YEATS2: variants seen among roughly 807,000 people sequenced by gnomAD.
YEATS2 encodes the protein YEATS domain containing 2.
A neutral mutation model predicts 163.2 loss-of-function variants in YEATS2; 77 were observed. The ratio of observed to expected loss-of-function variants is 0.47; its 90% CI spans 0.39 to 0.57. The LOEUF (loss-of-function observed/expected upper bound fraction) is 0.57. Among genes scored for constraint, YEATS2 ranks in the 20% least tolerant of loss-of-function variants. The pLI, the probability that YEATS2 is intolerant of heterozygous loss-of-function variation, is 0.00. For synonymous variants in YEATS2, 631 were observed against 645.1 expected, an observed-to-expected ratio of 0.98 and a Z score of 0.33; for missense variants, 1,549 against 1,729.8, an observed-to-expected ratio of 0.90 and a Z score of 1.85.
rs1403693019 is a variant in YEATS2 at position 183,801,444 on chromosome 3, ATC to A, written c.3429-4_3429-3del. 9.4e-6 allele frequency: 15 copies of A among 1,590,578 alleles called. No individual in the cohort carries two copies. Among genetic ancestry groups the A allele is most frequent in the African/African-American group, 1.4e-5 (1 of 73,776 alleles). ...TAATTTATTGCCTTAATTTTTTTTT[ATC>A]TCTCTCAGGATAGACCATTTAGAAA... On this transcript the variant is annotated splice_polypyrimidine_tract_variant and intron_variant, in intron 24 of 30. Transcript: ENST00000305135.
At chr3:183,790,757 C>G in intron 20 of YEATS2, 40 bp from the exon 21 acceptor site, 1 of 1,598,044 alleles carries the variant, frequency 6.3e-7, no homozygotes, top group Admixed American at 1.7e-5. Flanking sequence ...ACTCTGCTTT[C>G]TTCCTGAACT....
At chr3:183,760,669 C>T (rs773304076) in intron 13 of YEATS2, among the ~76,000 whole-genome samples, 2 of 151,898 alleles carry the variant, frequency 1.3e-5, no homozygotes, top group African/African-American at 2.4e-5. Context: ...TTTGCCTGTG[C>T]CAAATTATTC....
At chr3:183,771,158 C>G (rs2109417786) in intron 15 of YEATS2, among the ~76,000 whole-genome samples, 1 of 152,328 alleles carries the variant, frequency 6.6e-6, no homozygotes, top group East Asian at 1.9e-4. Flanking sequence ...GCACAAATTC[C>G]TATTTTCCCC....
intron 21 of YEATS2, among the ~76,000 whole-genome samples, chr3:183,791,728 A>G (rs763828693): frequency 7.4e-4 from 113 of 152,210 alleles, no homozygotes; most frequent in Non-Finnish European, 7.2e-4. Context: ...TCCAAGTCAT[A>G]ATTTTTAACA....
chr3:183,730,048 G>GTTTGTTTTT (rs1717571615), intron 7 of YEATS2, among the ~76,000 whole-genome samples: 1 of 20,820 alleles, frequency 4.8e-5, no homozygotes, highest in Non-Finnish European at 1.1e-4. Context: ...GTGGTTTTTT[G>GTTTGTTTTT]TTTGTTTTTT....
intron 11 of YEATS2, among the ~76,000 whole-genome samples, chr3:183,755,547 CAGT>C (rs1720636975): frequency 6.6e-6 from 1 of 152,078 alleles, no homozygotes; most frequent in Non-Finnish European, 1.5e-5. Flanking sequence ...CAATAAAAGA[CAGT>C]AGAGGATGTT....
chr3:183,809,632 G>A (rs371848887), intron 30 of YEATS2: 8 of 153,076 alleles, frequency 5.2e-5, no homozygotes, highest in Non-Finnish European at 7.3e-5. Flanking sequence ...CTGGACTTCC[G>A]ACTCAGGTCT....
intron 11 of YEATS2, 24 bp downstream of exon 11, chr3:183,754,389 T>C (rs1720500590): frequency 3.1e-6 from 5 of 1,594,264 alleles, no homozygotes; most frequent in Admixed American, 1.7e-5. Flanking sequence ...TTGAAGACAG[T>C]GTATGTGGAG....
In YEATS2 at chr3:183,791,058, G is replaced by A. The variant is rs1354105705; in HGVS notation, c.3097+78G>A. On this transcript the variant is annotated intron_variant, in intron 21 of 30. Coordinates refer to ENST00000305135, the MANE Select transcript of YEATS2 (RefSeq NM_018023.5). ...TATTTTTGTTTGTTTGTTTGAGATA[G>A]CGTCTCACTCTGTCGCCCAAGCTAG... is the stretch of plus-strand genomic sequence containing the variant. 2.6e-6 allele frequency: 4 copies of A among 1,543,140 alleles called. No individual in the cohort carries two copies. The East Asian group carries it at 9.1e-5, about 35-fold the overall frequency.
At chr3:183,763,052 AAAAAAT>A (rs1721537237) in intron 15 of YEATS2, among the ~76,000 whole-genome samples, 1 of 116,464 alleles carries the variant, frequency 8.6e-6, no homozygotes, top group Admixed American at 1.0e-4. Flanking sequence ...CTCTGTCTCA[AAAAAAT>A]AAAAATTAAA....
intron 2 of YEATS2, among the ~76,000 whole-genome samples, chr3:183,716,248 C>T (rs899708310): frequency 2.0e-5 from 3 of 152,136 alleles, no homozygotes; most frequent in Non-Finnish European, 2.9e-5. Flanking sequence ...CGTGAGCCAC[C>T]GCGCCCGGCA....
chr3:183,748,727 G>A (rs186829767), intron 9 of YEATS2, among the ~76,000 whole-genome samples: 2 of 151,908 alleles, frequency 1.3e-5, no homozygotes, highest in African/African-American at 2.4e-5. Flanking sequence ...AGCCTCCCAA[G>A]TAGCTAGGAC....
chr3:183,720,617 C>T (rs891285339), intron 4 of YEATS2, among the ~76,000 whole-genome samples: 10 of 152,128 alleles, frequency 6.6e-5, no homozygotes, highest in East Asian at 1.9e-4. Context: ...GAATTTTAAA[C>T]GGTAGACAGG....
chr3:183,770,083 G>T (rs1421415288), intron 15 of YEATS2, among the ~76,000 whole-genome samples: 1 of 151,674 alleles, frequency 6.6e-6, no homozygotes, highest in East Asian at 1.9e-4. Flanking sequence ...GTATGGTATA[G>T]TAATATTTTA....
chr3:183,701,203 C>G (rs573561828), intron 1 of YEATS2, among the ~76,000 whole-genome samples: 1 of 149,948 alleles, frequency 6.7e-6, no homozygotes, highest in Non-Finnish European at 1.5e-5. Context: ...GCCTCAGCCT[C>G]CTGGGTAGGT....
chr3:183,714,571 GTTAA>G (rs896917552), intron 1 of YEATS2, among the ~76,000 whole-genome samples: 17 of 151,910 alleles, frequency 1.1e-4, no homozygotes, highest in African/African-American at 4.1e-4. Context: ...TTGCAGACTT[GTTAA>G]TTAGTTTAAT....
At chr3:183,740,239 A>G (rs1718801837) in intron 8 of YEATS2, among the ~76,000 whole-genome samples, 2 of 152,060 alleles carry the variant, frequency 1.3e-5, no homozygotes, top group South Asian at 2.1e-4. Context: ...AGAATCTACA[A>G]TGAACTCAAA....
chr3:183,800,667 C>A, intron 24 of YEATS2, 99 bp downstream of exon 24: 1 of 944,202 alleles, frequency 1.1e-6, no homozygotes, highest in Non-Finnish European at 1.6e-6. Context: ...TAGCTCTAAG[C>A]CCTTGACGGG....
At chr3:183,720,497 A>G (rs918307257) in intron 4 of YEATS2, among the ~76,000 whole-genome samples, 1 of 152,152 alleles carries the variant, frequency 6.6e-6, no homozygotes, top group Non-Finnish European at 1.5e-5. Context: ...GTAACAGTAA[A>G]TGGTGCTTGT....
Sources: gnomAD v4.1 joint callset for allele counts (sites outside exome capture counted in the v4.1 genomes callset) on GRCh38, gnomAD v4.1.1 for gene constraint, MANE v1.5 for transcripts, NCBI Gene and HGNC (gene_info 2026-07-23, HGNC 2026-07-21) for gene names.